PDHX: variants seen among roughly 807,000 people sequenced by gnomAD.
PDHX encodes pyruvate dehydrogenase complex component X, also known as pyruvate dehydrogenase protein X component, mitochondrial.
In PDHX, 33 loss-of-function variants were observed where a neutral mutation model predicts 55.3. The observed-to-expected ratio is 0.60, with a 90% CI of 0.45 to 0.80. PDHX has a LOEUF of 0.80. PDHX is among the 30% of genes least tolerant of loss of function. PDHX has a pLI of 0.00. For missense variants in PDHX, 622 were observed against 619.9 expected (o/e 1.00, Z -0.04); for synonymous variants, 226 against 219.4 (o/e 1.03, Z -0.27).
At position 34,929,258 on chromosome 11, in the gene PDHX, C is replaced by T. The variant is rs115665361; in HGVS notation, c.161-2146C>T. 8.0e-3 allele frequency among the ~76,000 whole-genome samples: 1,224 copies of T among 152,256 alleles called. 20 individuals carry two copies. Among genetic ancestry groups the T allele is most frequent in the African/African-American group, 0.028 (1,176 of 41,552 alleles). ...GTATTTTTGTTTTGTTTTTCTCAGG[C>T]AGAGTCTTGGTCTGTTGCCCATGCT... On this transcript the variant is annotated intron_variant, in intron 1 of 10. Transcript: ENST00000227868.
At chr11:34,940,166 A>G (rs560031931) in intron 2 of PDHX, among the ~76,000 whole-genome samples, 1 of 152,344 alleles carries the variant, frequency 6.6e-6, no homozygotes, top group South Asian at 2.1e-4. Flanking sequence ...GCACTATGGA[A>G]CAAAACCAGG....
intron 1 of PDHX, among the ~76,000 whole-genome samples, chr11:34,927,014 TA>T (rs59592572): frequency 6.6e-6 from 1 of 151,876 alleles, no homozygotes; most frequent in African/African-American, 2.4e-5. Flanking sequence ...TCTGTTGATG[TA>T]AAAAAAGAGT....
intron 4 of PDHX, among the ~76,000 whole-genome samples, chr11:34,959,960 GAGAT>G (rs1327955832): frequency 6.6e-6 from 1 of 152,154 alleles, no homozygotes; most frequent in Non-Finnish European, 1.5e-5. Context: ...AACATTTCTG[GAGAT>G]AGATGGTGGT....
At chr11:34,956,744 C>T (rs1250851489) in intron 3 of PDHX, among the ~76,000 whole-genome samples, 1 of 152,032 alleles carries the variant, frequency 6.6e-6, no homozygotes, top group Admixed American at 6.6e-5. Context: ...TTCTGATATA[C>T]TTATAAAAAA....
At position 34,995,473 on chromosome 11, in the gene PDHX, T is replaced by C. The variant is rs1855841174; in HGVS notation, c.*301T>C. 2.8e-6 allele frequency: 1 copy of C among 358,904 alleles called. No homozygotes were observed. The highest frequency in any genetic ancestry group is 5.3e-6 in the Non-Finnish European group (1 of 188,508). The allele number at this position is 358,904 out of a possible 1,614,324, so 22.2% of individuals were successfully genotyped here. On this transcript the variant is annotated 3_prime_UTR_variant, in exon 11 of 11. Transcript: ENST00000227868. ...AACTAGATGTAAATCAAAGTATATG[T>C]TTGGCTCATTTGAGCATTTTGGAAT...
chr11:34,935,111 A>T lies in PDHX; in HGVS notation c.241+3627A>T, dbSNP rs75041505. Among the ~76,000 whole-genome samples, 288 of 152,150 alleles carry T rather than the reference A, an allele frequency of 1.9e-3. 12 individuals carry two copies. The East Asian group carries it at 0.046, about 24-fold the overall frequency. ...CAGTTGTATAAGTGAGGTAAAAGGTATATGTGGCTTCATTGCCTTTCCTTA... is the reference window on the plus strand; with the variant it reads ...CAGTTGTATAAGTGAGGTAAAAGGTTTATGTGGCTTCATTGCCTTTCCTTA... On this transcript the variant is annotated intron_variant, in intron 2 of 10. Coordinates refer to ENST00000227868, the MANE Select transcript of PDHX (RefSeq NM_003477.3).
chr11:34,991,930 T>TA (rs1016639069), intron 9 of PDHX, among the ~76,000 whole-genome samples: 56 of 137,768 alleles, frequency 4.1e-4, no homozygotes, highest in African/African-American at 1.5e-3. Flanking sequence ...AAAAAAAAAC[T>TA]AAAAAACACT....
chr11:34,934,930 A>AT (rs200996551), intron 2 of PDHX, among the ~76,000 whole-genome samples: 40 of 116,092 alleles, frequency 3.4e-4, no homozygotes, highest in African/African-American at 1.0e-3. Context: ...TATTTTGATT[A>AT]TTAAAAAAAA....
At chr11:34,973,464 G>T (rs1855297869) in intron 7 of PDHX, among the ~76,000 whole-genome samples, 1 of 151,864 alleles carries the variant, frequency 6.6e-6, no homozygotes, top group Non-Finnish European at 1.5e-5. Flanking sequence ...CATTCTCTTT[G>T]TCCCACCTCT....
intron 4 of PDHX, among the ~76,000 whole-genome samples, chr11:34,957,913 T>C (rs774225767): frequency 3.3e-5 from 5 of 152,194 alleles, no homozygotes; most frequent in Non-Finnish European, 7.4e-5. Context: ...TGATACTCTG[T>C]TCCCATTTAT....
chr11:34,922,430 GGTA>G (rs1447962498), intron 1 of PDHX, among the ~76,000 whole-genome samples: 1 of 152,084 alleles, frequency 6.6e-6, no homozygotes, highest in Non-Finnish European at 1.5e-5. Context: ...ACTATACTCT[GGTA>G]GATAGTTCAG....
At chr11:34,949,181 CACA>C (rs1854693276) in intron 3 of PDHX, among the ~76,000 whole-genome samples, 2 of 152,286 alleles carry the variant, frequency 1.3e-5, no homozygotes, top group South Asian at 2.1e-4. Context: ...GGAGTCTCTT[CACA>C]ACAAGATGTT....
At chr11:34,917,742 A>C (rs755695524) in intron 1 of PDHX, among the ~76,000 whole-genome samples, 27 of 152,192 alleles carry the variant, frequency 1.8e-4, no homozygotes, top group Non-Finnish European at 3.2e-4. Flanking sequence ...GGGGTTCCTA[A>C]AGGTTCCTTA....
chr11:34,957,408 C>A lies in PDHX; in HGVS notation c.367C>A (p.Arg123=), dbSNP rs773313977. 14 of 1,609,430 alleles carry A rather than the reference C, an allele frequency of 8.7e-6. No homozygotes were observed. The South Asian group carries it at 1.3e-4, about 15-fold the overall frequency. The change falls in exon 4 of 11, where the codon CGG becomes AGG. Residue 123 remains arginine, a synonymous_variant. Coordinates refer to ENST00000227868, the MANE Select transcript of PDHX (RefSeq NM_003477.3). ...IVVEEGSKNI[R]LGSLIGLIVE... ...GGTTGAAGAAGGAAGTAAAAATATA[C>A]GGCTAGGTTCACTAATTGGTTTGAT...
intron 9 of PDHX, among the ~76,000 whole-genome samples, chr11:34,989,468 T>C (rs1855716703): frequency 6.6e-6 from 1 of 152,008 alleles, no homozygotes; most frequent in South Asian, 2.1e-4. Flanking sequence ...GAATGTGAGG[T>C]TGTGGTCTTA....
chr11:34,991,644 C>T (rs1855759700), intron 9 of PDHX, among the ~76,000 whole-genome samples: 1 of 152,048 alleles, frequency 6.6e-6, no homozygotes, highest in Non-Finnish European at 1.5e-5. Context: ...CATGGTGGCT[C>T]ATACCTGTAA....
At chr11:34,949,325 C>T (rs191991797) in intron 3 of PDHX, among the ~76,000 whole-genome samples, 66 of 152,236 alleles carry the variant, frequency 4.3e-4, no homozygotes, top group Admixed American at 4.2e-3. Flanking sequence ...TCACAACCTC[C>T]GCCTCCTGGG....
chr11:34,976,321 A>G (rs1277226242), intron 7 of PDHX, among the ~76,000 whole-genome samples: 1 of 152,196 alleles, frequency 6.6e-6, no homozygotes, highest in African/African-American at 2.4e-5. Context: ...AATGTTTGAT[A>G]TTACCTTACA....
intron 7 of PDHX, among the ~76,000 whole-genome samples, chr11:34,975,164 C>T (rs966759203): frequency 1.5e-5 from 2 of 136,418 alleles, no homozygotes; most frequent in South Asian, 2.4e-4. Context: ...ATGATGTTTT[C>T]CACCTGTCTG....
Sources: allele counts gnomAD v4.1 joint callset (sites outside exome capture counted in the v4.1 genomes callset), GRCh38; gene constraint gnomAD v4.1.1; transcripts MANE v1.5; gene names NCBI Gene and HGNC (gene_info 2026-07-23, HGNC 2026-07-21).